USP4: variants seen among roughly 807,000 people sequenced by gnomAD.
USP4 encodes the protein ubiquitin specific peptidase 4, also known as ubiquitin carboxyl-terminal hydrolase 4.
USP4 carries 72 observed loss-of-function variants against 118.2 expected under a neutral mutation model. The observed-to-expected ratio is 0.61, with a 90% CI of 0.50 to 0.74. USP4 has a LOEUF of 0.74. USP4 is among the 30% of genes least tolerant of loss of function. USP4 has a pLI of 0.00. For synonymous variants in USP4, 415 were observed against 440.4 expected (o/e 0.94, Z 0.72); for missense variants, 1,037 against 1,185.7 (o/e 0.87, Z 1.84).
chr3:49,305,574 T>G, intron 9 of USP4, 141 bp downstream of exon 9: 1 of 596,808 alleles, frequency 1.7e-6, no homozygotes, highest in Middle Eastern at 4.8e-4. Context: ...TTTTAGATTT[T>G]GGAATGGGGA....
chr3:49,298,667 G>T, intron 11 of USP4, 32 bp from the exon 12 acceptor site: 1 of 1,605,676 alleles, frequency 6.2e-7, no homozygotes, highest in Non-Finnish European at 8.5e-7. Flanking sequence ...GGTCACAGGG[G>T]TGCCCCACAA....
intron 3 of USP4, among the ~76,000 whole-genome samples, chr3:49,326,338 T>C (rs1338719107): frequency 1.3e-5 from 2 of 150,658 alleles, no homozygotes; most frequent in Non-Finnish European, 1.5e-5. Flanking sequence ...TATATATATA[T>C]TTTTTTTCTA....
chr3:49,298,758 G>C, intron 11 of USP4, 123 bp from the exon 12 acceptor site: 1 of 820,592 alleles, frequency 1.2e-6, no homozygotes, highest in Non-Finnish European at 2.1e-6. Flanking sequence ...GTGAGGTCAG[G>C]GTACAGATGA....
At chr3:49,319,238 C>T (rs11920251) in intron 6 of USP4, among the ~76,000 whole-genome samples, 86,254 of 151,800 alleles carry the variant, frequency 0.57, 25,549 homozygotes, top group East Asian at 0.95. Context: ...TGACATATTC[C>T]CTTGATGTAC....
At chr3:49,337,135 G>C (rs1273601137) in intron 1 of USP4, among the ~76,000 whole-genome samples, 1 of 151,978 alleles carries the variant, frequency 6.6e-6, no homozygotes, top group Non-Finnish European at 1.5e-5. Flanking sequence ...AAAATTAGCT[G>C]AGCGTGGTGG....
At chr3:49,292,419 C>G in intron 15 of USP4, 91 bp downstream of exon 15, 4 of 828,978 alleles carry the variant, frequency 4.8e-6, no homozygotes, top group Non-Finnish European at 7.2e-6. Flanking sequence ...AGTCCCAACC[C>G]CCTTCTCCCA....
At chr3:49,285,934 TCTGAAACAGTCC>T (rs1559464864) in intron 16 of USP4, among the ~76,000 whole-genome samples, 152 bp downstream of exon 16, 2 of 152,118 alleles carry the variant, frequency 1.3e-5, no homozygotes, top group Non-Finnish European at 1.5e-5. Flanking sequence ...TAGGGGGATC[TCTGAAACAGTCC>T]TTAGGGGGCT....
intron 6 of USP4, chr3:49,317,394 G>A (rs2047450298): frequency 9.6e-7 from 1 of 1,040,244 alleles, no homozygotes; most frequent in Non-Finnish European, 1.5e-6. Flanking sequence ...CCTGCTTCTG[G>A]CATAGCTCCT....
chr3:49,302,744 G>T (rs2047274371), intron 9 of USP4, among the ~76,000 whole-genome samples: 1 of 152,192 alleles, frequency 6.6e-6, no homozygotes, highest in Admixed American at 6.5e-5. Flanking sequence ...CAGAGAGCCA[G>T]GAGGATGAAC....
rs1204811681 is a variant in USP4 at position 49,297,964 on chromosome 3, T to C, written c.1597A>G (p.Met533Val). The part of the protein sequence containing the change: ...SRLSGIAAEN[M>V]VVADVYNHRF... ...TGATTATACACATCTGCGACCACCA[T>C]CTAAGAATGAACAGTAACAGAAAGA... Residue 533 changes from methionine (M) to valine (V), a missense_variant and splice_region_variant, in exon 13 of 22, where the codon ATG (methionine) becomes GTG (valine). Coordinates refer to ENST00000265560, the MANE Select transcript of USP4 (RefSeq NM_003363.4). The C allele has an allele frequency of 7.5e-6, 12 of 1,609,036 alleles. No homozygotes were observed. In the African/African-American group the frequency reaches 8.0e-5, roughly 11 times the overall value.
chr3:49,332,383 A>G (rs1379048280), intron 2 of USP4, among the ~76,000 whole-genome samples: 1 of 151,396 alleles, frequency 6.6e-6, no homozygotes, highest in African/African-American at 2.4e-5. Context: ...ACTTGAGCCC[A>G]GGAGGTTAAG....
In USP4 at chr3:49,340,002, C is replaced by G. The variant is rs1313846926; in HGVS notation, c.23G>C (p.Arg8Pro). The change falls in exon 1 of 22, where the codon CGT (arginine) becomes CCT (proline). Residue 8 changes from arginine (R) to proline (P), a missense_variant. Coordinates refer to ENST00000265560, the MANE Select transcript of USP4 (RefSeq NM_003363.4). MAEGGGC[R>P]ERPDAETQKS... ...CTGAGTCTCCGCATCCGGTCGCTCA[C>G]GGCAGCCTCCACCTTCCGCCATCTC... 3.7e-6 allele frequency: 6 copies of G among 1,609,962 alleles called. No individual in the cohort carries two copies. The highest frequency in any genetic ancestry group is 5.1e-6 in the Non-Finnish European group (6 of 1,179,822).
chr3:49,305,729 G>T lies in USP4; in HGVS notation c.1114C>A (p.Pro372Thr). Residue 372 changes from proline to threonine, a missense_variant, in exon 9 of 22, where the codon CCT (proline) becomes ACT (threonine). Pro to Thr is a conservative substitution (Grantham distance 38, BLOSUM62 -1). This residue lies in a region of USP4 where 487 missense variants were observed against 534.1 expected (regional missense o/e 0.91). Coordinates refer to ENST00000265560, the MANE Select transcript of USP4 (RefSeq NM_003363.4). Reference sequence around the variant, plus strand: ...TGTCTACCTACTTTGAACATGCGAGGTGCCACATGGGCGTCCCTTCCAGAC... The same window carrying T: ...TGTCTACCTACTTTGAACATGCGAGTTGCCACATGGGCGTCCCTTCCAGAC... Reference protein sequence around the residue: ...MWSGRDAHVAPRMFKTQVGRF... With the variant: ...MWSGRDAHVATRMFKTQVGRF... The T allele has an allele frequency of 6.2e-7, 1 of 1,609,150 alleles. No homozygotes were observed. Among genetic ancestry groups the T allele is most frequent in the Non-Finnish European group, 8.5e-7 (1 of 1,177,794 alleles).
At chr3:49,319,812 C>T (rs527520245) in intron 6 of USP4, among the ~76,000 whole-genome samples, 4 of 151,974 alleles carry the variant, frequency 2.6e-5, no homozygotes, top group South Asian at 2.1e-4. Context: ...AGGGGGGTCT[C>T]GCTATGTTCA....
chr3:49,331,064 G>T (rs1437323357), intron 2 of USP4, among the ~76,000 whole-genome samples: 1 of 151,512 alleles, frequency 6.6e-6, no homozygotes, highest in African/African-American at 2.4e-5. Flanking sequence ...GCTCACACCT[G>T]TACTCCCAGC....
chr3:49,280,761 G>T lies in USP4; in HGVS notation c.2627C>A (p.Ala876Asp), dbSNP rs775772757. The change falls in exon 20 of 22, where the codon GCC becomes GAC. Residue 876 changes from alanine to aspartate, a missense_variant. By Grantham distance (126) the Ala-to-Asp change is moderately radical (BLOSUM62 -2). Coordinates refer to ENST00000265560, the MANE Select transcript of USP4 (RefSeq NM_003363.4). ...DLIAVSNHYG[A>D]MGVGHYTAYA... is the part of the protein sequence containing the mutation. ...ATACTTACAGTGGCCAACCCCCATGGCTCCATAATGATTGGACACGGCAAT... is the reference window on the plus strand; with the variant it reads ...ATACTTACAGTGGCCAACCCCCATGTCTCCATAATGATTGGACACGGCAAT... The T allele has an allele frequency of 5.6e-6, 9 of 1,613,864 alleles. No individual in the cohort carries two copies. Among genetic ancestry groups the T allele is most frequent in the Non-Finnish European group, 7.6e-6 (9 of 1,179,922 alleles).
At chr3:49,324,564 A>G (rs2047531789) in intron 6 of USP4, 138 bp downstream of exon 6, 1 of 804,136 alleles carries the variant, frequency 1.2e-6, no homozygotes, top group Non-Finnish European at 2.0e-6. Flanking sequence ...CTTCATCCAG[A>G]AGCATGAACT....
rs3774801 is a variant in USP4 at position 49,297,614 on chromosome 3, A to G, written c.1691+256T>C. Among the ~76,000 whole-genome samples the G allele has an allele frequency of 1.3e-3, 204 of 152,230 alleles. 5 individuals are homozygous for G. The East Asian group carries it at 0.036, about 27-fold the overall frequency. On this transcript the variant is annotated intron_variant, in intron 13 of 21. Transcript: ENST00000265560. ...TAGGAGCAGTGATTTGGCCTTCTTC[A>G]TAGGCAAAACTGTTGAAAAAAGGCT...
chr3:49,338,605 T>C (rs1575626536), intron 1 of USP4, among the ~76,000 whole-genome samples: 1 of 142,858 alleles, frequency 7.0e-6, no homozygotes, highest in African/African-American at 2.6e-5. Context: ...GAGGTTGCCG[T>C]GACCCGAGAT....
Sources: gnomAD v4.1 joint callset for allele counts (sites outside exome capture counted in the v4.1 genomes callset) on GRCh38, gnomAD v4.1.1 for gene constraint, gnomAD v4.1.1 regional missense constraint, MANE v1.5 for transcripts, NCBI Gene and HGNC (gene_info 2026-07-23, HGNC 2026-07-21) for gene names.